CACNA1A: variants seen among roughly 807,000 people sequenced by gnomAD.
CACNA1A encodes calcium voltage-gated channel subunit alpha1 A, also known as voltage-dependent P/Q-type calcium channel subunit alpha-1A.
A neutral mutation model predicts 262.4 loss-of-function variants in CACNA1A; 57 were observed. That is an observed-to-expected ratio of 0.22 (90% CI 0.18 to 0.27). CACNA1A has a LOEUF of 0.27. Among genes scored for constraint, CACNA1A ranks in the 10% least tolerant of loss-of-function variants. The pLI is 1.00. For missense variants in CACNA1A, 2,526 were observed against 3,562.8 expected (o/e 0.71, Z 7.41); for synonymous variants, 1,431 against 1,419.3 (o/e 1.01, Z -0.18).
intron 3 of CACNA1A, among the ~76,000 whole-genome samples, chr19:13,436,616 C>A (rs1204261139): frequency 6.6e-6 from 1 of 152,164 alleles, no homozygotes; most frequent in East Asian, 1.9e-4. Context: ...TTTATGCATT[C>A]AACAGATTTT....
chr19:13,330,166 GC>G, intron 10 of CACNA1A, 77 bp downstream of exon 10: 1 of 1,012,892 alleles, frequency 9.9e-7, no homozygotes. Context: ...CGGTTTGCAA[GC>G]CCTCTGCCCC....
chr19:13,212,513 G>T lies in CACNA1A; in HGVS notation c.6060C>A (p.His2020Gln). 1.3e-6 allele frequency: 2 copies of T among 1,573,162 alleles called. No individual in the cohort carries two copies. The highest frequency in any genetic ancestry group is 1.2e-5 in the South Asian group (1 of 86,340). Residue 2020 changes from histidine (H) to glutamine (Q), a missense_variant, in exon 42 of 47, where the codon CAC becomes CAA. By Grantham distance (24) the His-to-Gln change is conservative. This residue lies in a region of CACNA1A where 929 missense variants were observed against 868.1 expected (regional missense o/e 1.07). Transcript: ENST00000360228. This position sits in a 1 kb window ranked among gnomAD's most constrained non-coding sequence, Gnocchi z 5.6. ...QLDPGGALMA[H>Q]ESGLKESPSW... ...ACGGGCTCTCCTTGAGGCCGCTTTC[G>T]TGAGCCATCCTGCATGGGGGACAGA...
At chr19:13,285,941 A>G (rs2057386468) in intron 20 of CACNA1A, among the ~76,000 whole-genome samples, 1 of 145,654 alleles carries the variant, frequency 6.9e-6, no homozygotes, top group African/African-American at 2.5e-5. Context: ...TAATCCACCC[A>G]GCAGTTCACC....
Position 13,327,868 on chromosome 19 carries a change from C to T in CACNA1A, c.1345+2376G>A, listed in dbSNP as rs557358464. 9.0e-4 allele frequency among the ~76,000 whole-genome samples: 137 copies of T among 151,572 alleles called. 1 individual carries two copies. The highest frequency in any genetic ancestry group is 2.6e-3 in the African/African-American group (108 of 41,362). On this transcript the variant is annotated intron_variant, in intron 10 of 46. Coordinates refer to ENST00000360228, the MANE Select transcript of CACNA1A (RefSeq NM_001127222.2). ...GATTACAGGCGTGAGCCACCGCGCC[C>T]GGCCAGCAAAGTAGATTTTTAAGAA...
At chr19:13,492,557 G>A (rs547887626) in intron 1 of CACNA1A, among the ~76,000 whole-genome samples, 2 of 152,270 alleles carry the variant, frequency 1.3e-5, no homozygotes, top group African/African-American at 4.8e-5. Context: ...AGTGACAGAA[G>A]TGTGCAAAGA....
chr19:13,264,685 C>T (rs1338730440), intron 24 of CACNA1A, among the ~76,000 whole-genome samples: 1 of 152,192 alleles, frequency 6.6e-6, no homozygotes, highest in East Asian at 1.9e-4. Flanking sequence ...ACTACCCGGT[C>T]CTCAAAGCCC....
intron 3 of CACNA1A, among the ~76,000 whole-genome samples, chr19:13,432,694 T>C (rs1044379377): frequency 1.3e-5 from 2 of 151,014 alleles, no homozygotes; most frequent in African/African-American, 4.9e-5. Flanking sequence ...CATAAGGTAT[T>C]GTATATTTCA....
chr19:13,229,996 C>G, intron 36 of CACNA1A, 86 bp downstream of exon 36: 1 of 1,493,640 alleles, frequency 6.7e-7, no homozygotes. Context: ...GTTCAGTGCT[C>G]CAGAGTCTGG....
intron 1 of CACNA1A, among the ~76,000 whole-genome samples, chr19:13,479,815 A>G (rs1303527408): frequency 6.6e-6 from 1 of 152,260 alleles, no homozygotes; most frequent in Non-Finnish European, 1.5e-5. Flanking sequence ...AGGGCAAAGA[A>G]GAACATAAAC....
intron 3 of CACNA1A, among the ~76,000 whole-genome samples, chr19:13,442,548 C>T (rs1189445813): frequency 6.6e-6 from 1 of 152,216 alleles, no homozygotes; most frequent in Non-Finnish European, 1.5e-5. Context: ...CTATCACATG[C>T]TCCCCCACAA....
chr19:13,434,450 G>A (rs545248296), intron 3 of CACNA1A, among the ~76,000 whole-genome samples: 1 of 152,284 alleles, frequency 6.6e-6, no homozygotes, highest in Admixed American at 6.5e-5. Context: ...ATCTTATGGC[G>A]AATTGTAATC....
At chr19:13,252,040 A>G (rs576398898) in intron 30 of CACNA1A, among the ~76,000 whole-genome samples, 20 of 151,872 alleles carry the variant, frequency 1.3e-4, no homozygotes, top group Non-Finnish European at 2.9e-4. Flanking sequence ...TGCTGGGATT[A>G]CAGGTGTGAG....
chr19:13,298,961 A>T lies in CACNA1A; in HGVS notation c.2672T>A (p.Leu891Gln), dbSNP rs1171365113. 1 of 1,587,704 alleles carries T rather than the reference A, an allele frequency of 6.3e-7. No homozygotes were observed. The highest frequency in any genetic ancestry group is 1.7e-5 in the Admixed American group (1 of 58,492). Residue 891 changes from leucine (L) to glutamine (Q), a missense_variant, in exon 19 of 47, where the codon CTG becomes CAG. Transcript: ENST00000360228. ...RPWAGSQEAELSREGPYGRES... is the reference protein window; with the variant it reads ...RPWAGSQEAEQSREGPYGRES... Reference sequence around the variant, plus strand: ...GCGGCCGTAGGGTCCCTCCCGGCTCAGCTCGGCCTCCTGGCTTCCCGCCCA... The same window carrying T: ...GCGGCCGTAGGGTCCCTCCCGGCTCTGCTCGGCCTCCTGGCTTCCCGCCCA...
chr19:13,457,289 C>A (rs1437379631), intron 1 of CACNA1A, among the ~76,000 whole-genome samples: 1 of 152,010 alleles, frequency 6.6e-6, no homozygotes, highest in Admixed American at 6.6e-5. Context: ...AACAAAAAAA[C>A]ACCAGTGCAA....
intron 11 of CACNA1A, among the ~76,000 whole-genome samples, chr19:13,313,963 C>G (rs1234591106): frequency 6.6e-6 from 1 of 152,150 alleles, no homozygotes; most frequent in Non-Finnish European, 1.5e-5. Context: ...TGTCTTATGT[C>G]CCCTAGAAAT....
rs1049570624 is a variant in CACNA1A at position 13,417,004 on chromosome 19, T to C, written c.539+35872A>G. Among the ~76,000 whole-genome samples the C allele has an allele frequency of 9.9e-5, 15 of 152,208 alleles. No homozygotes were observed. In the East Asian group the frequency reaches 1.7e-3, roughly 18 times the overall value. ...GATATTAATATCCAAATACGTGCAA[T>C]TGGTGACCGAATTGCACGGTACAGC... On this transcript the variant is annotated intron_variant, in intron 3 of 46. Coordinates refer to ENST00000360228, the MANE Select transcript of CACNA1A (RefSeq NM_001127222.2).
intron 30 of CACNA1A, among the ~76,000 whole-genome samples, chr19:13,247,337 A>G (rs1018421329): frequency 6.6e-6 from 1 of 152,198 alleles, no homozygotes; most frequent in Non-Finnish European, 1.5e-5. Flanking sequence ...TGCGTCGCTG[A>G]GCATGGAATA....
At chr19:13,302,138 CAACT>C (rs2057800697) in intron 17 of CACNA1A, among the ~76,000 whole-genome samples, 1 of 152,212 alleles carries the variant, frequency 6.6e-6, no homozygotes, top group Non-Finnish European at 1.5e-5. Context: ...CCCAGCTCCA[CAACT>C]TACTGCTGTG....
intron 19 of CACNA1A, among the ~76,000 whole-genome samples, chr19:13,294,764 C>T (rs2057627264): frequency 6.6e-6 from 1 of 152,112 alleles, no homozygotes; most frequent in African/African-American, 2.4e-5. Context: ...GCTGGGATTA[C>T]AGGCGTGAAC....
Sources: allele counts gnomAD v4.1 joint callset (sites outside exome capture counted in the v4.1 genomes callset), GRCh38; gene constraint gnomAD v4.1.1; regional missense constraint gnomAD v4.1.1; non-coding constraint Gnocchi (gnomAD v3.1); transcripts MANE v1.5; gene names NCBI Gene and HGNC (gene_info 2026-07-23, HGNC 2026-07-21).